The following SLC9A9 variants were observed in gnomAD, a reference collection of about 807,000 sequenced individuals.
The protein encoded by SLC9A9 is sodium/hydrogen exchanger 9.
A neutral mutation model predicts 77.8 loss-of-function variants in SLC9A9; 62 were observed. The observed-to-expected ratio is 0.80, with a 90% CI of 0.65 to 0.98. The LOEUF is 0.98. Among genes scored for constraint, SLC9A9 ranks in the 50% least tolerant of loss-of-function variants. SLC9A9 has a pLI of 0.00. For synonymous variants in SLC9A9, 320 were observed against 283.5 expected, an observed-to-expected ratio of 1.13 and a Z score of -1.29; for missense variants, 775 against 774.9, an observed-to-expected ratio of 1.00 and a Z score of 0.00.
At chr3:143,419,095 G>C (rs1475488538) in intron 12 of SLC9A9, among the ~76,000 whole-genome samples, 1 of 152,120 alleles carries the variant, frequency 6.6e-6, no homozygotes, top group Non-Finnish European at 1.5e-5. Context: ...TTTGGACCAA[G>C]AACCCATTTT....
At chr3:143,711,556 C>T (rs963241332) in intron 4 of SLC9A9, among the ~76,000 whole-genome samples, 2 of 150,356 alleles carry the variant, frequency 1.3e-5, no homozygotes, top group African/African-American at 2.5e-5. Flanking sequence ...AGTGCCACCA[C>T]ACCTGGCTAA....
chr3:143,339,531 C>G (rs558052141), intron 14 of SLC9A9, among the ~76,000 whole-genome samples: 4,297 of 152,144 alleles, frequency 0.028, 78 homozygotes, highest in South Asian at 0.039. Context: ...TACATTCCCC[C>G]CCTTCTACAC....
At chr3:143,585,591 G>T (rs1194705110) in intron 6 of SLC9A9, among the ~76,000 whole-genome samples, 1 of 152,200 alleles carries the variant, frequency 6.6e-6, no homozygotes, top group Non-Finnish European at 1.5e-5. Flanking sequence ...TTGTGTCACG[G>T]TTGTGTCCTT....
intron 14 of SLC9A9, among the ~76,000 whole-genome samples, chr3:143,362,404 T>C (rs1299617588): frequency 6.6e-6 from 1 of 152,224 alleles, no homozygotes; most frequent in Non-Finnish European, 1.5e-5. Context: ...TACTTTTGCT[T>C]ATCTCTGCAA....
chr3:143,307,169 G>A (rs927345344), intron 14 of SLC9A9, among the ~76,000 whole-genome samples: 1 of 152,134 alleles, frequency 6.6e-6, no homozygotes, highest in African/African-American at 2.4e-5. Context: ...TACTGTATTC[G>A]GTGCCTCTAT....
At chr3:143,556,143 A>C (rs1478391649) in intron 8 of SLC9A9, among the ~76,000 whole-genome samples, 1 of 152,182 alleles carries the variant, frequency 6.6e-6, no homozygotes, top group Non-Finnish European at 1.5e-5. Flanking sequence ...TTTAATTATC[A>C]CTATGTTTTT....
intron 12 of SLC9A9, among the ~76,000 whole-genome samples, chr3:143,391,411 TA>T (rs1268235870): frequency 3.3e-5 from 5 of 151,966 alleles, no homozygotes; most frequent in Non-Finnish European, 7.4e-5. Flanking sequence ...GAAGGAAAAC[TA>T]AAAAACAAAA....
At chr3:143,576,909 T>C (rs1353613980) in intron 7 of SLC9A9, among the ~76,000 whole-genome samples, 1 of 152,190 alleles carries the variant, frequency 6.6e-6, no homozygotes, top group African/African-American at 2.4e-5. Context: ...TTTACAAGGT[T>C]CTCAGGATGA....
intron 6 of SLC9A9, among the ~76,000 whole-genome samples, chr3:143,585,560 T>A (rs911429080): frequency 6.6e-6 from 1 of 152,220 alleles, no homozygotes; most frequent in African/African-American, 2.4e-5. Context: ...TGTGGGCACA[T>A]GTCATTAGGA....
chr3:143,437,680 G>A (rs756290503), intron 12 of SLC9A9, among the ~76,000 whole-genome samples: 2 of 152,222 alleles, frequency 1.3e-5, no homozygotes, highest in African/African-American at 2.4e-5. Context: ...TGATCCTACT[G>A]TTAGGGTCTT....
intron 1 of SLC9A9, among the ~76,000 whole-genome samples, chr3:143,835,617 T>C (rs2009548374): frequency 6.6e-6 from 1 of 152,216 alleles, no homozygotes; most frequent in Non-Finnish European, 1.5e-5. Flanking sequence ...GTAGGATGGC[T>C]AGTAGAAAGA....
chr3:143,533,168 T>C (rs76713949), intron 9 of SLC9A9, among the ~76,000 whole-genome samples: 2,845 of 152,330 alleles, frequency 0.019, 72 homozygotes, highest in African/African-American at 0.065. Flanking sequence ...TTCTAGACAC[T>C]GCAATATAGC....
intron 4 of SLC9A9, among the ~76,000 whole-genome samples, chr3:143,764,933 T>G (rs1483751644): frequency 6.6e-6 from 1 of 151,612 alleles, no homozygotes; most frequent in Non-Finnish European, 1.5e-5. Flanking sequence ...CCAGGAAACA[T>G]TTTTCTTTCT....
chr3:143,628,187 T>C (rs1159535775), intron 6 of SLC9A9, among the ~76,000 whole-genome samples: 3 of 152,052 alleles, frequency 2.0e-5, no homozygotes, highest in Non-Finnish European at 4.4e-5. Flanking sequence ...GATGGAGGGA[T>C]GGAGGGATAA....
chr3:143,496,060 A>G (rs1222108562), intron 9 of SLC9A9, among the ~76,000 whole-genome samples: 1 of 152,208 alleles, frequency 6.6e-6, no homozygotes, highest in Non-Finnish European at 1.5e-5. Context: ...TTAAATGTCT[A>G]CAATTTCTAG....
intron 8 of SLC9A9, among the ~76,000 whole-genome samples, chr3:143,561,691 C>T (rs2037088487): frequency 6.6e-6 from 1 of 152,086 alleles, no homozygotes; most frequent in Non-Finnish European, 1.5e-5. Flanking sequence ...GTCTCACGGT[C>T]TGTTTTTAAT....
At chr3:143,522,065 C>T (rs2036309820) in intron 9 of SLC9A9, among the ~76,000 whole-genome samples, 2 of 152,070 alleles carry the variant, frequency 1.3e-5, no homozygotes, top group South Asian at 4.1e-4. Context: ...AGAATACTTC[C>T]AACCTAAGAT....
chr3:143,715,146 T>C (rs115016178), intron 4 of SLC9A9, among the ~76,000 whole-genome samples: 5,209 of 152,204 alleles, frequency 0.034, 292 homozygotes, highest in African/African-American at 0.12. Flanking sequence ...TGCCCAGTCT[T>C]GGCTAAGTCT....
chr3:143,454,442 G>A (rs997574763), intron 12 of SLC9A9, among the ~76,000 whole-genome samples: 2 of 151,834 alleles, frequency 1.3e-5, no homozygotes, highest in South Asian at 2.1e-4. Context: ...GTTTTTTCTC[G>A]AAGTTTTATA....
Sources: allele counts gnomAD v4.1 joint callset (sites outside exome capture counted in the v4.1 genomes callset), GRCh38; gene constraint gnomAD v4.1.1; transcripts MANE v1.5; gene names NCBI Gene and HGNC (gene_info 2026-07-23, HGNC 2026-07-21).